The following ADAM18 variants were observed in gnomAD, a reference collection of about 807,000 sequenced individuals.
ADAM18 encodes the protein ADAM metallopeptidase domain 18.
ADAM18 carries 117 observed loss-of-function variants against 94.4 expected under a neutral mutation model. The ratio of observed to expected loss-of-function variants is 1.24; its 90% confidence interval spans 1.07 to 1.45. ADAM18 has a LOEUF of 1.45. Ranked by LOEUF, ADAM18 falls within the 40% of genes most tolerant of loss-of-function variation. ADAM18 has a pLI of 0.00. For missense variants in ADAM18, 936 were observed against 880.0 expected (o/e 1.06, Z -0.81); for synonymous variants, 327 against 291.6 (o/e 1.12, Z -1.24).
At chr8:39,625,834 A>T (rs1819752918) in intron 6 of ADAM18, among the ~76,000 whole-genome samples, 1 of 152,084 alleles carries the variant, frequency 6.6e-6, no homozygotes, top group Admixed American at 6.6e-5. Context: ...ATGGATATGC[A>T]TATAGTGATC....
At chr8:39,653,174 C>A (rs1396467165) in intron 12 of ADAM18, among the ~76,000 whole-genome samples, 1 of 152,040 alleles carries the variant, frequency 6.6e-6, no homozygotes, top group Non-Finnish European at 1.5e-5. Context: ...ACAAAATAAT[C>A]AGAAGTTTGT....
rs1819462959 is a variant in ADAM18 at position 39,617,032 on chromosome 8, T to A, written c.522+6326T>A. Among the ~76,000 whole-genome samples, 3 of 152,014 alleles carry A rather than the reference T, an allele frequency of 2.0e-5. No individual in the cohort carries two copies. In the South Asian group the frequency reaches 6.2e-4, roughly 31 times the overall value. ...ATTGACAATTGGGACCTAATTAAAC[T>A]GAAAAGCTTCTGCACAACAAAAGAA... On this transcript the variant is annotated intron_variant, in intron 6 of 19. Coordinates refer to ENST00000265707, the MANE Select transcript of ADAM18 (RefSeq NM_014237.3).
At chr8:39,703,039 C>T (rs899041998) in intron 17 of ADAM18, among the ~76,000 whole-genome samples, 15 of 152,086 alleles carry the variant, frequency 9.9e-5, no homozygotes, top group Admixed American at 2.0e-4. Flanking sequence ...GTTAATTTAA[C>T]GGGAATAGCG....
chr8:39,637,301 A>C lies in ADAM18; in HGVS notation c.626A>C (p.Gln209Pro), dbSNP rs766167756. The change falls in exon 8 of 20, where the codon CAA becomes CCA. Residue 209 changes from glutamine to proline, a missense_variant. By Grantham distance (76) the Gln-to-Pro change is moderately conservative (BLOSUM62 -1). Transcript: ENST00000265707. ...YMGSEMMAVTQKIVQVIGLVN... is the reference protein window; with the variant it reads ...YMGSEMMAVTPKIVQVIGLVN... ...GGATCTGAAATGATGGCTGTAACAC[A>C]AAAAATTGTCCAGGTTATTGGGCTT... 6.2e-7 allele frequency: 1 copy of C among 1,606,314 alleles called. No homozygotes were observed. Among genetic ancestry groups the C allele is most frequent in the Non-Finnish European group, 8.5e-7 (1 of 1,176,082 alleles).
intron 11 of ADAM18, among the ~76,000 whole-genome samples, chr8:39,648,133 C>T (rs1219712362): frequency 6.6e-6 from 1 of 152,056 alleles, no homozygotes; most frequent in African/African-American, 2.4e-5. Context: ...TATTGCATTA[C>T]CTTGATGAGA....
intron 7 of ADAM18, among the ~76,000 whole-genome samples, chr8:39,632,533 T>C (rs1418669493): frequency 2.0e-5 from 3 of 152,156 alleles, no homozygotes; most frequent in Non-Finnish European, 4.4e-5. Flanking sequence ...TTTAATCAAT[T>C]TTTACAAGTA....
At chr8:39,596,957 G>C (rs1818760473) in intron 2 of ADAM18, among the ~76,000 whole-genome samples, 1 of 152,126 alleles carries the variant, frequency 6.6e-6, no homozygotes, top group African/African-American at 2.4e-5. Flanking sequence ...TAGGTTCAGA[G>C]AAAAGATTAG....
intron 2 of ADAM18, among the ~76,000 whole-genome samples, chr8:39,592,586 A>C (rs996943252): frequency 7.9e-5 from 12 of 152,180 alleles, no homozygotes; most frequent in Admixed American, 7.2e-4. Flanking sequence ...AATAACCCAG[A>C]AGTAAAAAAA....
chr8:39,669,538 T>C (rs7461232), intron 14 of ADAM18, among the ~76,000 whole-genome samples: 105,977 of 144,578 alleles, frequency 0.73, 39,598 homozygotes, highest in Middle Eastern at 0.79. Flanking sequence ...TTGTTCAATT[T>C]CCACCTATGA....
chr8:39,728,572 T>C (rs577654696), intron 19 of ADAM18, among the ~76,000 whole-genome samples: 3 of 152,280 alleles, frequency 2.0e-5, no homozygotes, highest in Non-Finnish European at 4.4e-5. Context: ...TTAAGGTGTA[T>C]AGGACTATTT....
chr8:39,652,947 C>T (rs1339873234), intron 12 of ADAM18, among the ~76,000 whole-genome samples: 2 of 152,130 alleles, frequency 1.3e-5, no homozygotes, highest in Non-Finnish European at 2.9e-5. Context: ...AATACATCAT[C>T]TTCTCACTTA....
chr8:39,652,243 T>A (rs1820559651), intron 12 of ADAM18, among the ~76,000 whole-genome samples: 1 of 151,920 alleles, frequency 6.6e-6, no homozygotes, highest in Non-Finnish European at 1.5e-5. Context: ...AAGGAAACAG[T>A]CAACAAAGTA....
intron 16 of ADAM18, among the ~76,000 whole-genome samples, chr8:39,688,562 C>T (rs1219155905): frequency 6.6e-6 from 1 of 152,118 alleles, no homozygotes; most frequent in Non-Finnish European, 1.5e-5. Flanking sequence ...GAAGACATGA[C>T]CTCATTTTTT....
At chr8:39,644,133 G>C (rs7820447) in intron 10 of ADAM18, among the ~76,000 whole-genome samples, 99,432 of 151,806 alleles carry the variant, frequency 0.65, 33,284 homozygotes, top group African/African-American at 0.74. Context: ...TTAAATGATA[G>C]AGAAAAATTA....
rs184011067 is a variant in ADAM18, at chr8:39,623,916, A to C, written c.523-5458A>C. 2.5e-3 allele frequency among the ~76,000 whole-genome samples: 382 copies of C among 152,260 alleles called. 1 individual carries two copies. Among genetic ancestry groups the C allele is most frequent in the Non-Finnish European group, 4.1e-3 (278 of 68,014 alleles). ...ATTTCCGTGTTGATTAGTGATGTTT[A>C]GCATTTTTCATGTTTGTTGGCCATT... On this transcript the variant is annotated intron_variant, in intron 6 of 19. Coordinates refer to ENST00000265707, the MANE Select transcript of ADAM18 (RefSeq NM_014237.3).
chr8:39,619,192 G>A (rs1315434386), intron 6 of ADAM18, among the ~76,000 whole-genome samples: 1 of 152,020 alleles, frequency 6.6e-6, no homozygotes, highest in African/African-American at 2.4e-5. Flanking sequence ...TAGATCTAAA[G>A]GAAAAGATAG....
chr8:39,645,869 C>A (rs772190274), intron 11 of ADAM18, among the ~76,000 whole-genome samples: 5 of 152,062 alleles, frequency 3.3e-5, no homozygotes, highest in Non-Finnish European at 5.9e-5. Context: ...TATTTATACA[C>A]TAATTTTGTG....
chr8:39,702,289 C>CT (rs1822102811), intron 17 of ADAM18, among the ~76,000 whole-genome samples: 1 of 151,854 alleles, frequency 6.6e-6, no homozygotes, highest in Non-Finnish European at 1.5e-5. Flanking sequence ...GCATGTATGT[C>CT]TTTTTTGAAA....
At position 39,671,989 on chromosome 8, in the gene ADAM18, A is replaced by G. The variant is rs149707508; in HGVS notation, c.1525+3793A>G. On this transcript the variant is annotated intron_variant, in intron 14 of 19. Transcript: ENST00000265707. Reference sequence around the variant, plus strand: ...TTTATTGTTTTGGAAACACTCTCCTAAAGTACAGCATTTAACATACTGGCA... The same window carrying G: ...TTTATTGTTTTGGAAACACTCTCCTGAAGTACAGCATTTAACATACTGGCA... Among the ~76,000 whole-genome samples, 43 of 152,246 alleles carry G rather than the reference A, an allele frequency of 2.8e-4. No homozygotes were observed. In the East Asian group the frequency reaches 7.3e-3, roughly 26 times the overall value.
Sources: allele counts gnomAD v4.1 joint callset (sites outside exome capture counted in the v4.1 genomes callset), GRCh38; gene constraint gnomAD v4.1.1; transcripts MANE v1.5; gene names NCBI Gene and HGNC (gene_info 2026-07-23, HGNC 2026-07-21).